The following ESRRA variants were observed in gnomAD, a reference collection of about 807,000 sequenced individuals.
ESRRA encodes steroid hormone receptor ERR1.
ESRRA carries 7 observed loss-of-function variants against 35.6 expected under a neutral mutation model. That is an observed-to-expected ratio of 0.20 (90% CI 0.11 to 0.37). The LOEUF (loss-of-function observed/expected upper bound fraction) is 0.37. ESRRA is among the 10% of genes least tolerant of loss of function. The pLI, the probability that ESRRA is intolerant of heterozygous loss-of-function variation, is 1.00. For synonymous variants in ESRRA, 223 were observed against 246.9 expected (o/e 0.90, Z 0.91); for missense variants, 378 against 561.7 (o/e 0.67, Z 3.31).
At chr11:64,307,546 T>A in intron 2 of ESRRA, 42 bp downstream of exon 2, 2 of 1,416,896 alleles carry the variant, frequency 1.4e-6, no homozygotes, top group Non-Finnish European at 1.9e-6. Context: ...CCCTGCACCC[T>A]CTGGGTACAC....
At chr11:64,312,892 C>T (rs1318796686) in intron 2 of ESRRA, among the ~76,000 whole-genome samples, 3 of 151,964 alleles carry the variant, frequency 2.0e-5, no homozygotes, top group East Asian at 1.9e-4. Flanking sequence ...ATGGAGGAGG[C>T]GAGAGCAAGG....
intron 2 of ESRRA, among the ~76,000 whole-genome samples, chr11:64,308,895 ACC>A (rs569765471): frequency 9.3e-5 from 14 of 150,966 alleles, no homozygotes; most frequent in African/African-American, 3.2e-4. Flanking sequence ...CGGGCGGATC[ACC>A]TGAGGTCAGG....
rs371616125 is a variant in ESRRA at position 64,314,933 on chromosome 11, G to C, written c.742+22G>C. 2,622 of 1,609,630 alleles carry C rather than the reference G, an allele frequency of 1.6e-3. 5 individuals are homozygous for C. Among genetic ancestry groups the C allele is most frequent in the Non-Finnish European group, 2.1e-3 (2,475 of 1,178,830 alleles). On this transcript the variant is annotated intron_variant, in intron 5 of 6. Transcript: ENST00000000442. ...CCAGGTAAAGGGCCCAGGTGACCCGGGGCTGCCCTGAACGGGCCCGGCTCT... is the reference window on the plus strand; with the variant it reads ...CCAGGTAAAGGGCCCAGGTGACCCGCGGCTGCCCTGAACGGGCCCGGCTCT...
intron 6 of ESRRA, 56 bp from the exon 7 acceptor site, chr11:64,315,651 G>A: frequency 6.3e-7 from 1 of 1,599,110 alleles, no homozygotes; most frequent in Middle Eastern, 1.7e-4. Context: ...CAAGATACGG[G>A]GAGTGCCCTT....
At chr11:64,309,932 C>CAA (rs35187370) in intron 2 of ESRRA, among the ~76,000 whole-genome samples, 23 of 74,516 alleles carry the variant, frequency 3.1e-4, no homozygotes, top group Non-Finnish European at 3.8e-4. Context: ...GAGTTCGTAT[C>CAA]AAAAAAAAAA....
chr11:64,311,260 A>T (rs1484734918), intron 2 of ESRRA, among the ~76,000 whole-genome samples: 1 of 152,220 alleles, frequency 6.6e-6, no homozygotes, highest in Non-Finnish European at 1.5e-5. Flanking sequence ...TTGGGGACAT[A>T]GCTGGGGCTG....
At position 64,313,300 on chromosome 11, in the gene ESRRA, G is replaced by A. The variant is rs1206815394; in HGVS notation, c.326-651G>A. On this transcript the variant is annotated intron_variant, in intron 2 of 6. Coordinates refer to ENST00000000442, the MANE Select transcript of ESRRA (RefSeq NM_004451.5). This position sits in a 1 kb window ranked among gnomAD's most constrained non-coding sequence, Gnocchi z 4.0. ...AGTCCACGTAGGCTGTGTTCGGTCCGAGATGCCTTCTAGACATGCAGGATG... is the reference window on the plus strand; with the variant it reads ...AGTCCACGTAGGCTGTGTTCGGTCCAAGATGCCTTCTAGACATGCAGGATG... Among the ~76,000 whole-genome samples, 6 of 152,200 alleles carry A rather than the reference G, an allele frequency of 3.9e-5. No homozygotes were observed. Among genetic ancestry groups the A allele is most frequent in the African/African-American group, 1.2e-4 (5 of 41,440 alleles).
At chr11:64,307,946 G>A (rs1490843653) in intron 2 of ESRRA, among the ~76,000 whole-genome samples, 1 of 151,746 alleles carries the variant, frequency 6.6e-6, no homozygotes, top group African/African-American at 2.4e-5. Context: ...AGGCTAGAGT[G>A]CAGTGGCACA....
chr11:64,316,714 GA>G lies in ESRRA; in HGVS notation c.*755del, dbSNP rs567342412. 11 of 631,764 alleles carry G rather than the reference GA, an allele frequency of 1.7e-5. No homozygotes were observed. The highest frequency in any genetic ancestry group is 5.8e-5 in the Admixed American group (2 of 34,238). 39.1% of individuals were successfully genotyped at this position (631,764 alleles called of 1,614,324 possible). On this transcript the variant is annotated 3_prime_UTR_variant, in exon 7 of 7. Coordinates refer to ENST00000000442, the MANE Select transcript of ESRRA (RefSeq NM_004451.5). Reference sequence around the variant, plus strand: ...GCTTTTGGTTTTAAACCTTTAATGAGAAAAAAATATATAATACCGAGCTCAA... The same window carrying G: ...GCTTTTGGTTTTAAACCTTTAATGAGAAAAAATATATAATACCGAGCTCAA...
Position 64,315,011 on chromosome 11 carries a change from G to T in ESRRA, c.753G>T (p.Ser251=). 2 of 1,593,070 alleles carry T rather than the reference G, an allele frequency of 1.3e-6. No homozygotes were observed. The highest frequency in any genetic ancestry group is 8.6e-7 in the Non-Finnish European group (1 of 1,169,458). ...CCCGCTGCCCCCTAGGCTTCTCATCGCTGTCGCTGTCTGACCAGATGTCAG... is the reference window on the plus strand; with the variant it reads ...CCCGCTGCCCCCTAGGCTTCTCATCTCTGTCGCTGTCTGACCAGATGTCAG... The part of the protein sequence containing the change: ...SWAKSIPGFS[S]LSLSDQMSVL... Residue 251 remains serine (S), a synonymous_variant, in exon 6 of 7, where the codon TCG becomes TCT. Transcript: ENST00000000442.
chr11:64,309,126 A>G (rs2035091724), intron 2 of ESRRA, among the ~76,000 whole-genome samples: 1 of 149,954 alleles, frequency 6.7e-6, no homozygotes, highest in South Asian at 2.1e-4. Flanking sequence ...AACAAAAACA[A>G]AAACAAAAAC....
rs1028626219 is a variant in ESRRA, at chr11:64,316,185, G to A, written c.*219G>A. ...GTGTCCAGGCTCTGGGCACAGTGCT[G>A]CCCCTTGCAAGCCATAACGTGCCCC... On this transcript the variant is annotated 3_prime_UTR_variant, in exon 7 of 7. Transcript: ENST00000000442. 1.5e-5 allele frequency: 8 copies of A among 545,278 alleles called. No individual in the cohort carries two copies. In the African/African-American group the frequency reaches 1.5e-4, roughly 10 times the overall value. 33.8% of individuals were successfully genotyped at this position (545,278 alleles called of 1,614,324 possible). A position where few individuals can be genotyped will look rare whatever the true frequency, so the allele number is the denominator to read the frequency against.
rs371942904 is a variant in ESRRA, at chr11:64,313,844, A to G, written c.326-107A>G. 1.9e-3 allele frequency: 1,322 copies of G among 697,428 alleles called. 17 individuals carry two copies. The South Asian group carries it at 0.023, about 12-fold the overall frequency. The allele number at this position is 697,428 out of a possible 1,614,324, so 43.2% of individuals were successfully genotyped here. ...GCCCCCTGCTCTCCCTTTCCTCCCC[A>G]TACCCCCAGACCTGTGCTTGCCCGG... On this transcript the variant is annotated intron_variant, in intron 2 of 6. Transcript: ENST00000000442. The surrounding 1 kb of genome is among the most constrained non-coding windows in gnomAD (Gnocchi z 4.0).
At chr11:64,314,676 G>C in intron 4 of ESRRA, 65 bp from the exon 5 acceptor site, 1 of 1,503,322 alleles carries the variant, frequency 6.7e-7, no homozygotes, top group Non-Finnish European at 9.0e-7. Context: ...ACTGTGGGAA[G>C]ATGCTTGACC....
intron 1 of ESRRA, chr11:64,306,122 C>G (rs1324891667): frequency 6.6e-6 from 1 of 152,236 alleles, no homozygotes; most frequent in African/African-American, 2.4e-5. Context: ...TGGGGGCGCT[C>G]GAAGGGGCCT....
intron 2 of ESRRA, among the ~76,000 whole-genome samples, chr11:64,311,217 T>A (rs2035133073): frequency 6.6e-6 from 1 of 152,206 alleles, no homozygotes; most frequent in Non-Finnish European, 1.5e-5. Context: ...GGCACAGACC[T>A]GTTCTTTGCT....
chr11:64,307,021 C>A (rs574276134), intron 1 of ESRRA, 147 bp from the exon 2 acceptor site: 5 of 594,620 alleles, frequency 8.4e-6, no homozygotes, highest in African/African-American at 1.9e-5. Flanking sequence ...CCTGGGCAGT[C>A]CTTCCTTGGA....
intron 2 of ESRRA, among the ~76,000 whole-genome samples, chr11:64,308,775 C>T (rs1223641349): frequency 1.4e-5 from 2 of 147,600 alleles, no homozygotes; most frequent in Non-Finnish European, 1.5e-5. Flanking sequence ...AAGATCACGC[C>T]ACTGCACTCC....
chr11:64,314,105 G>A (rs2135259042), intron 3 of ESRRA, 38 bp downstream of exon 3: 1 of 1,559,134 alleles, frequency 6.4e-7, no homozygotes, highest in East Asian at 2.3e-5. Context: ...GGCTGGGGGA[G>A]TCGGGGACCC....
Sources: allele counts gnomAD v4.1 joint callset (sites outside exome capture counted in the v4.1 genomes callset), GRCh38; gene constraint gnomAD v4.1.1; non-coding constraint Gnocchi (gnomAD v3.1); transcripts MANE v1.5; gene names NCBI Gene and HGNC (gene_info 2026-07-23, HGNC 2026-07-21).